CCDC91: variants seen among roughly 807,000 people sequenced by gnomAD.
The protein encoded by CCDC91 is coiled-coil domain-containing protein 91.
A neutral mutation model predicts 63.2 loss-of-function variants in CCDC91; 48 were observed. The observed-to-expected ratio is 0.76, with a 90% CI of 0.60 to 0.97. CCDC91 has a LOEUF of 0.97. CCDC91 is among the 50% of genes least tolerant of loss of function. The pLI is 0.00. For synonymous variants in CCDC91, 167 were observed against 165.8 expected (o/e 1.01, Z -0.06); for missense variants, 500 against 494.6 (o/e 1.01, Z -0.10).
intron 1 of CCDC91, among the ~76,000 whole-genome samples, chr12:28,239,177 A>G (rs570744310): frequency 3.9e-5 from 6 of 152,180 alleles, no homozygotes; most frequent in Non-Finnish European, 5.9e-5. Context: ...TGATAACACC[A>G]TTATATATGT....
intron 6 of CCDC91, among the ~76,000 whole-genome samples, chr12:28,315,806 G>GTT (rs879774391): frequency 7.0e-6 from 1 of 143,372 alleles, no homozygotes. Flanking sequence ...GGTAATTCCT[G>GTT]TTTTTTTTTT....
At chr12:28,508,709 C>T (rs561538972) in intron 12 of CCDC91, among the ~76,000 whole-genome samples, 1 of 151,996 alleles carries the variant, frequency 6.6e-6, no homozygotes, top group African/African-American at 2.4e-5. Context: ...CTCGTGGAAG[C>T]ATTCCCCCTC....
intron 6 of CCDC91, among the ~76,000 whole-genome samples, chr12:28,360,109 CCTA>C (rs1943782474): frequency 6.6e-6 from 1 of 152,078 alleles, no homozygotes; most frequent in African/African-American, 2.4e-5. Context: ...GATTTATAAT[CCTA>C]CTAACAAAAA....
chr12:28,209,534 G>C (rs1223205777), intron 1 of CCDC91, among the ~76,000 whole-genome samples: 1 of 151,938 alleles, frequency 6.6e-6, no homozygotes, highest in African/African-American at 2.4e-5. Flanking sequence ...GGGTTCAAGT[G>C]ATTCTCCTGC....
chr12:28,331,587 T>G (rs747293343), intron 6 of CCDC91, among the ~76,000 whole-genome samples: 2 of 152,198 alleles, frequency 1.3e-5, no homozygotes. Context: ...AGACTATGTT[T>G]CAAAAAATTA....
rs553952065 is a variant in CCDC91 at position 28,388,877 on chromosome 12, A to C, written c.655-2427A>C. Among the ~76,000 whole-genome samples, 154 of 152,296 alleles carry C rather than the reference A, an allele frequency of 1.0e-3. 1 individual carries two copies. The highest frequency in any genetic ancestry group is 3.4e-3 in the African/African-American group (140 of 41,560). On this transcript the variant is annotated intron_variant, in intron 7 of 12. Coordinates refer to ENST00000536442, the MANE Select transcript of CCDC91 (RefSeq NM_018318.5). ...CAGCTGAAGATGGATCAAGGACTTA[A>C]ATCTAAGACCTGAAACTATAAAAAT...
intron 3 of CCDC91, chr12:28,302,550 T>G: frequency 2.8e-6 from 2 of 708,030 alleles, no homozygotes; most frequent in Non-Finnish European, 3.5e-6. Context: ...TTGAATCCAT[T>G]TCTTATGGCT....
chr12:28,248,843 A>G (rs77668779), intron 1 of CCDC91, among the ~76,000 whole-genome samples: 1 of 152,136 alleles, frequency 6.6e-6, no homozygotes, highest in Non-Finnish European at 1.5e-5. Context: ...AGAAAGAGCT[A>G]AATAAGAGGA....
At chr12:28,412,429 CAT>C (rs1947372718) in intron 8 of CCDC91, among the ~76,000 whole-genome samples, 1 of 152,138 alleles carries the variant, frequency 6.6e-6, no homozygotes, top group African/African-American at 2.4e-5. Flanking sequence ...AAAAGTAGGA[CAT>C]AGATTTAGAA....
At chr12:28,240,142 G>T (rs1945239576) in intron 1 of CCDC91, among the ~76,000 whole-genome samples, 1 of 152,116 alleles carries the variant, frequency 6.6e-6, no homozygotes, top group South Asian at 2.1e-4. Flanking sequence ...TTGGTTTCAT[G>T]TGCCATATTT....
chr12:28,511,921 A>G (rs1185284518), intron 12 of CCDC91, among the ~76,000 whole-genome samples: 1 of 151,860 alleles, frequency 6.6e-6, no homozygotes, highest in African/African-American at 2.4e-5. Flanking sequence ...AGGATACTCT[A>G]GGACTTTTCA....
At chr12:28,539,690 A>G (rs995278548) in intron 12 of CCDC91, among the ~76,000 whole-genome samples, 3 of 152,150 alleles carry the variant, frequency 2.0e-5, no homozygotes, top group Admixed American at 6.6e-5. Context: ...CTTGTTTACA[A>G]GAAGTAGGGA....
At chr12:28,524,704 A>G (rs1941098665) in intron 12 of CCDC91, among the ~76,000 whole-genome samples, 4 of 152,026 alleles carry the variant, frequency 2.6e-5, no homozygotes, top group African/African-American at 9.7e-5. Context: ...GTCTGGTATA[A>G]AGCTGTTGTG....
chr12:28,524,413 G>A (rs1941061481), intron 12 of CCDC91, among the ~76,000 whole-genome samples: 1 of 152,022 alleles, frequency 6.6e-6, no homozygotes, highest in Non-Finnish European at 1.5e-5. Flanking sequence ...TTATTGACTT[G>A]CATATGTTAA....
At chr12:28,428,556 T>A (rs1948452625) in intron 8 of CCDC91, among the ~76,000 whole-genome samples, 1 of 99,212 alleles carries the variant, frequency 1.0e-5, no homozygotes. Flanking sequence ...GCAACAAGAG[T>A]GAAACTCCGT....
chr12:28,442,539 G>T (rs78896265), intron 8 of CCDC91, among the ~76,000 whole-genome samples: 4,408 of 152,162 alleles, frequency 0.029, 102 homozygotes, highest in Middle Eastern at 0.045. Context: ...TTTTTAGAGT[G>T]ATCTGAAAAA....
chr12:28,416,324 C>G (rs181282599), intron 8 of CCDC91, among the ~76,000 whole-genome samples: 1 of 151,892 alleles, frequency 6.6e-6, no homozygotes, highest in African/African-American at 2.4e-5. Context: ...TCTGTCTTAC[C>G]CAAAAGCTTC....
intron 11 of CCDC91, among the ~76,000 whole-genome samples, chr12:28,453,411 A>C (rs1472113681): frequency 6.6e-6 from 1 of 152,054 alleles, no homozygotes; most frequent in African/African-American, 2.4e-5. Flanking sequence ...TCACATTATA[A>C]ATGCAGCTAA....
chr12:28,433,037 C>G (rs780254929), intron 8 of CCDC91, among the ~76,000 whole-genome samples: 17 of 151,800 alleles, frequency 1.1e-4, no homozygotes, highest in Middle Eastern at 3.2e-3. Flanking sequence ...CTGCTAAAGT[C>G]TTTTACCCAT....
Sources: allele counts gnomAD v4.1 joint callset (sites outside exome capture counted in the v4.1 genomes callset), GRCh38; gene constraint gnomAD v4.1.1; transcripts MANE v1.5; gene names NCBI Gene and HGNC (gene_info 2026-07-23, HGNC 2026-07-21).